Variants in TAOK3 observed in about 807,000 individuals in gnomAD.
TAOK3 encodes the protein TAO kinase 3.
A neutral mutation model predicts 120.4 loss-of-function variants in TAOK3; 40 were observed. That is an observed-to-expected ratio of 0.33 (90% confidence interval 0.26 to 0.43). TAOK3 has a LOEUF of 0.43. TAOK3 is among the 20% of genes least tolerant of loss of function. TAOK3 has a pLI of 1.00. For missense variants in TAOK3, 821 were observed against 1,112.1 expected, an observed-to-expected ratio of 0.74 and a Z score of 3.72; for synonymous variants, 355 against 387.5, an observed-to-expected ratio of 0.92 and a Z score of 0.99.
intron 9 of TAOK3, among the ~76,000 whole-genome samples, chr12:118,217,797 A>ATGTGTGTGTGTG (rs1173463113): frequency 1.5e-5 from 1 of 65,264 alleles, no homozygotes; most frequent in East Asian, 4.5e-4. Flanking sequence ...GTATGTATGT[A>ATGTGTGTGTGTG]TGTGTGTGTG....
chr12:118,254,305 ACCATCCATCCATCCAT>A (rs374028494), intron 3 of TAOK3, among the ~76,000 whole-genome samples: 1 of 151,688 alleles, frequency 6.6e-6, no homozygotes, highest in Non-Finnish European at 1.5e-5. Flanking sequence ...CTGTCTATCC[ACCATCCATCCATCCAT>A]CCATCCATCC....
At chr12:118,193,939 T>A (rs1211801476) in intron 13 of TAOK3, among the ~76,000 whole-genome samples, 1 of 152,234 alleles carries the variant, frequency 6.6e-6, no homozygotes, top group Non-Finnish European at 1.5e-5. Context: ...GCACCTGGCA[T>A]AGTGCTTGAT....
At chr12:118,201,907 T>C (rs575296324) in intron 11 of TAOK3, among the ~76,000 whole-genome samples, 4 of 152,282 alleles carry the variant, frequency 2.6e-5, no homozygotes, top group African/African-American at 9.6e-5. Context: ...ACTGGATCTC[T>C]ACACTTATTT....
At chr12:118,223,670 GTC>G (rs1444429135) in intron 9 of TAOK3, among the ~76,000 whole-genome samples, 1 of 143,874 alleles carries the variant, frequency 7.0e-6, no homozygotes, top group Non-Finnish European at 1.5e-5. Flanking sequence ...TTGAGACAGA[GTC>G]TCTCTTTGTC....
At chr12:118,222,503 A>G (rs1197811446) in intron 9 of TAOK3, among the ~76,000 whole-genome samples, 1 of 151,756 alleles carries the variant, frequency 6.6e-6, no homozygotes, top group Non-Finnish European at 1.5e-5. Context: ...ACTGTACTCC[A>G]GCCTGGCGAT....
intron 13 of TAOK3, among the ~76,000 whole-genome samples, chr12:118,197,179 T>C (rs1366160107): frequency 6.6e-6 from 1 of 152,208 alleles, no homozygotes; most frequent in African/African-American, 2.4e-5. Flanking sequence ...CTCACTTACA[T>C]TTTAAAGGTA....
intron 1 of TAOK3, among the ~76,000 whole-genome samples, chr12:118,289,842 A>C (rs1419062903): frequency 6.6e-6 from 1 of 151,986 alleles, no homozygotes; most frequent in African/African-American, 2.4e-5. Context: ...CTAAAAGTAC[A>C]AAATTAGCTG....
At chr12:118,277,711 G>A (rs932974784) in intron 1 of TAOK3, among the ~76,000 whole-genome samples, 3 of 151,770 alleles carry the variant, frequency 2.0e-5, no homozygotes, top group South Asian at 2.1e-4. Flanking sequence ...CACCCACCCC[G>A]ATCTCCCAAA....
chr12:118,318,291 G>A (rs1283963506), intron 1 of TAOK3, among the ~76,000 whole-genome samples: 1 of 151,762 alleles, frequency 6.6e-6, no homozygotes, highest in Non-Finnish European at 1.5e-5. Context: ...CCAAGTAGCT[G>A]GGACTACAGG....
intron 1 of TAOK3, among the ~76,000 whole-genome samples, chr12:118,310,753 T>C (rs2140848527): frequency 6.6e-6 from 1 of 152,322 alleles, no homozygotes; most frequent in Non-Finnish European, 1.5e-5. Flanking sequence ...GTAGCTTTTT[T>C]CTTCTGTTAT....
intron 9 of TAOK3, among the ~76,000 whole-genome samples, chr12:118,219,191 C>A (rs1328246821): frequency 6.6e-5 from 10 of 152,100 alleles, no homozygotes; most frequent in Admixed American, 6.6e-4. Flanking sequence ...TTCACAAATG[C>A]TGTTTTCTTG....
At chr12:118,357,021 C>T (rs555086520) in intron 1 of TAOK3, among the ~76,000 whole-genome samples, 5 of 152,296 alleles carry the variant, frequency 3.3e-5, no homozygotes, top group African/African-American at 7.2e-5. Flanking sequence ...TCCAGTGACC[C>T]GAGCAACTTG....
At chr12:118,193,057 T>TTTG (rs1471280825) in intron 13 of TAOK3, among the ~76,000 whole-genome samples, 1 of 146,628 alleles carries the variant, frequency 6.8e-6, no homozygotes, top group Non-Finnish European at 1.5e-5. Flanking sequence ...TTGTTTTTTT[T>TTTG]TTTTTTTTTT....
At chr12:118,220,223 T>C (rs1450329911) in intron 9 of TAOK3, among the ~76,000 whole-genome samples, 1 of 152,150 alleles carries the variant, frequency 6.6e-6, no homozygotes, top group Admixed American at 6.6e-5. Flanking sequence ...CTTTATTTAA[T>C]GTGTGTCTTC....
chr12:118,199,229 C>T lies in TAOK3; in HGVS notation c.1016G>A (p.Arg339Lys). 1 of 1,614,116 alleles carries T rather than the reference C, an allele frequency of 6.2e-7. No individual in the cohort carries two copies. Among genetic ancestry groups the T allele is most frequent in the African/African-American group, 1.3e-5 (1 of 75,036 alleles). ...EDSEHGTSLN[R>K]EMDSLGSNHS... ...GTTGCTGCCCAGGCTGTCCATTTCC[C>T]TGTTCAGGCTGGTTCCATGTTCACT... is the stretch of plus-strand genomic sequence containing the variant. Residue 339 changes from arginine to lysine, a missense_variant, in exon 13 of 21, where the codon AGG becomes AAG. By Grantham distance (26) the Arg-to-Lys change is conservative. Transcript: ENST00000392533.
At chr12:118,243,386 TA>T in intron 5 of TAOK3, 28 bp downstream of exon 5, 1 of 1,209,134 alleles carries the variant, frequency 8.3e-7, no homozygotes, top group Admixed American at 2.2e-5. Flanking sequence ...AATGTAATAG[TA>T]AAAGATAATA....
At chr12:118,240,530 G>T (rs1456124257) in intron 5 of TAOK3, among the ~76,000 whole-genome samples, 1 of 151,314 alleles carries the variant, frequency 6.6e-6, no homozygotes, top group Non-Finnish European at 1.5e-5. Context: ...ATTTTTAGTA[G>T]GGACGGGGTT....
At chr12:118,221,324 A>G (rs1399971135) in intron 9 of TAOK3, among the ~76,000 whole-genome samples, 2 of 152,116 alleles carry the variant, frequency 1.3e-5, no homozygotes, top group Non-Finnish European at 2.9e-5. Flanking sequence ...CCCAGGCTCA[A>G]GAGATTCTCC....
intron 9 of TAOK3, among the ~76,000 whole-genome samples, chr12:118,226,519 C>G (rs1435786918): frequency 6.9e-6 from 1 of 145,476 alleles, no homozygotes; most frequent in Middle Eastern, 3.4e-3. Context: ...GGTGACAGAG[C>G]GAGACTCCGT....
Sources: allele counts gnomAD v4.1 joint callset (sites outside exome capture counted in the v4.1 genomes callset), GRCh38; gene constraint gnomAD v4.1.1; transcripts MANE v1.5; gene names NCBI Gene and HGNC (gene_info 2026-07-23, HGNC 2026-07-21).